The following MPP7 variants were observed in gnomAD, a reference collection of about 807,000 sequenced individuals.
MPP7 encodes the protein MAGUK p55 subfamily member 7.
A neutral mutation model predicts 76.5 loss-of-function variants in MPP7; 60 were observed. The observed-to-expected ratio is 0.78, with a 90% confidence interval of 0.64 to 0.97. The LOEUF (loss-of-function observed/expected upper bound fraction) is 0.97. Among genes scored for constraint, MPP7 ranks in the 50% least tolerant of loss-of-function variants. The pLI is 0.00. For missense variants in MPP7, 641 were observed against 694.0 expected, an observed-to-expected ratio of 0.92 and a Z score of 0.86; for synonymous variants, 237 against 244.5, an observed-to-expected ratio of 0.97 and a Z score of 0.29.
Position 28,052,006 on chromosome 10 carries a change from A to T in MPP7, c.*2059T>A, listed in dbSNP as rs1027303706. On this transcript the variant is annotated 3_prime_UTR_variant, in exon 17 of 17. Coordinates refer to ENST00000683449, the MANE Select transcript of MPP7 (RefSeq NM_001318170.2). Reference sequence around the variant, plus strand: ...CTTAAGGTCTGGACCTTTCTTTTTTAAAATGTTATATTTTTATAACATCTT... The same window carrying T: ...CTTAAGGTCTGGACCTTTCTTTTTTTAAATGTTATATTTTTATAACATCTT... The T allele has an allele frequency of 3.3e-5, 5 of 152,124 alleles. No individual in the cohort carries two copies. The highest frequency in any genetic ancestry group is 5.9e-5 in the Non-Finnish European group (4 of 68,010). The allele number at this position is 152,124 out of a possible 1,614,324, so 9.4% of individuals were successfully genotyped here.
chr10:28,245,863 G>A (rs1357533186), intron 1 of MPP7, among the ~76,000 whole-genome samples: 1 of 150,440 alleles, frequency 6.6e-6, no homozygotes, highest in Non-Finnish European at 1.5e-5. Flanking sequence ...ATTCACAAGA[G>A]GGGCTCAACA....
Position 28,108,562 on chromosome 10 carries a change from T to A in MPP7, c.952+11089A>T, listed in dbSNP as rs141272842. On this transcript the variant is annotated intron_variant, in intron 11 of 16. Coordinates refer to ENST00000683449, the MANE Select transcript of MPP7 (RefSeq NM_001318170.2). ...GTCCAAGCTACTTGCGAGGCTGAGGTGGGAGGATGGTTTGAGCCTGGGAGG... is the reference window on the plus strand; with the variant it reads ...GTCCAAGCTACTTGCGAGGCTGAGGAGGGAGGATGGTTTGAGCCTGGGAGG... Among the ~76,000 whole-genome samples, 1,303 of 151,588 alleles carry A rather than the reference T, an allele frequency of 8.6e-3. 14 individuals carry two copies. The highest frequency in any genetic ancestry group is 0.055 in the Middle Eastern group (16 of 292).
chr10:28,232,932 T>C (rs1451932320), intron 2 of MPP7, among the ~76,000 whole-genome samples: 1 of 152,226 alleles, frequency 6.6e-6, no homozygotes, highest in Non-Finnish European at 1.5e-5. Context: ...TGTGCATTTC[T>C]GTACCTATAT....
intron 1 of MPP7, among the ~76,000 whole-genome samples, chr10:28,250,569 C>G (rs1057486378): frequency 6.6e-6 from 1 of 152,168 alleles, no homozygotes; most frequent in Non-Finnish European, 1.5e-5. Context: ...AAGATCCTTA[C>G]GTGATCACTT....
At chr10:28,208,786 C>T (rs1321255241) in intron 2 of MPP7, among the ~76,000 whole-genome samples, 1 of 152,124 alleles carries the variant, frequency 6.6e-6, no homozygotes, top group Non-Finnish European at 1.5e-5. Context: ...AAAATGATAA[C>T]TGGCTCAATC....
chr10:28,239,355 C>G (rs947047323), intron 1 of MPP7, among the ~76,000 whole-genome samples: 5 of 151,792 alleles, frequency 3.3e-5, no homozygotes, highest in Non-Finnish European at 7.4e-5. Context: ...CCATGTTGGC[C>G]AGGCTGGTCT....
intron 2 of MPP7, among the ~76,000 whole-genome samples, chr10:28,224,848 T>A (rs1268952880): frequency 6.6e-6 from 1 of 152,166 alleles, no homozygotes; most frequent in Non-Finnish European, 1.5e-5. Context: ...AAGAATTAGA[T>A]TTTGTTTATC....
intron 6 of MPP7, among the ~76,000 whole-genome samples, chr10:28,128,702 C>CA (rs1404978959): frequency 1.3e-5 from 2 of 152,052 alleles, no homozygotes; most frequent in East Asian, 3.9e-4. Context: ...GATTTGGGGA[C>CA]AAAGATCAGC....
intron 2 of MPP7, among the ~76,000 whole-genome samples, chr10:28,213,217 G>C (rs1838200076): frequency 6.6e-6 from 1 of 152,086 alleles, no homozygotes; most frequent in African/African-American, 2.4e-5. Context: ...TGGTTCAACA[G>C]AGAATTGATC....
chr10:28,262,244 CATAT>C (rs1209809486), intron 1 of MPP7, among the ~76,000 whole-genome samples: 2 of 36,398 alleles, frequency 5.5e-5, no homozygotes, highest in Non-Finnish European at 8.2e-5. Context: ...TATATATATA[CATAT>C]ATATATATAT....
chr10:28,293,300 T>C (rs1840965384), intron 1 of MPP7, among the ~76,000 whole-genome samples: 1 of 152,164 alleles, frequency 6.6e-6, no homozygotes. Context: ...CAGTATACGA[T>C]AGGATATTCC....
chr10:28,237,275 T>C (rs981554606), intron 2 of MPP7, among the ~76,000 whole-genome samples: 6 of 152,168 alleles, frequency 3.9e-5, no homozygotes, highest in Admixed American at 2.6e-4. Context: ...CAAAGCACTA[T>C]GGAAAGTTAA....
intron 3 of MPP7, among the ~76,000 whole-genome samples, chr10:28,198,888 T>C (rs577375196): frequency 6.6e-6 from 1 of 152,170 alleles, no homozygotes; most frequent in Non-Finnish European, 1.5e-5. Flanking sequence ...AATTCTGATA[T>C]CCTTCTATTT....
chr10:28,111,022 G>A (rs185853085), intron 11 of MPP7, among the ~76,000 whole-genome samples: 4 of 152,238 alleles, frequency 2.6e-5, no homozygotes, highest in African/African-American at 9.6e-5. Context: ...ACATTTGTAA[G>A]TTGATTGTTA....
At chr10:28,318,264 A>T (rs1186365588) in intron 2 of MPP7, among the ~76,000 whole-genome samples, 1 of 152,224 alleles carries the variant, frequency 6.6e-6, no homozygotes, top group Non-Finnish European at 1.5e-5. Context: ...GGATGTTATG[A>T]TCATTAAATG....
Position 28,062,717 on chromosome 10 carries a change from C to T in MPP7, c.1205-2974G>A, listed in dbSNP as rs182713033. Among the ~76,000 whole-genome samples, 352 of 152,200 alleles carry T rather than the reference C, an allele frequency of 2.3e-3. 1 individual carries two copies. Among genetic ancestry groups the T allele is most frequent in the Non-Finnish European group, 4.0e-3 (271 of 68,014 alleles). On this transcript the variant is annotated intron_variant, in intron 13 of 16. Coordinates refer to ENST00000683449, the MANE Select transcript of MPP7 (RefSeq NM_001318170.2). ...TCGACACCATTCACAACAGTCTCAG[C>T]AAACTAGGAGTAACAAGAATGTCCT...
chr10:28,332,955 G>A (rs1464105486), intron 1 of MPP7, among the ~76,000 whole-genome samples: 2 of 152,176 alleles, frequency 1.3e-5, no homozygotes, highest in South Asian at 2.1e-4. Flanking sequence ...GAGCCACCGT[G>A]CCTGGCCCTA....
chr10:28,161,394 T>C (rs1836258905), intron 3 of MPP7, among the ~76,000 whole-genome samples: 1 of 143,604 alleles, frequency 7.0e-6, no homozygotes, highest in African/African-American at 2.5e-5. Flanking sequence ...CATTCCCTTC[T>C]TATTCCTGGC....
rs371521308 is a variant in MPP7 at position 28,120,180 on chromosome 10, T to C, written c.887+14A>G. On this transcript the variant is annotated intron_variant, in intron 10 of 16. Coordinates refer to ENST00000683449, the MANE Select transcript of MPP7 (RefSeq NM_001318170.2). ...CAGCTGGAGAAAAGCCATTATTATG[T>C]ACCAGCAGCTCACCTTTCCTGGAAA... The C allele has an allele frequency of 4.2e-5, 68 of 1,611,208 alleles. No homozygotes were observed. The African/African-American group carries it at 6.8e-4, about 16-fold the overall frequency.
Sources: gnomAD v4.1 joint callset for allele counts (sites outside exome capture counted in the v4.1 genomes callset) on GRCh38, gnomAD v4.1.1 for gene constraint, MANE v1.5 for transcripts, NCBI Gene and HGNC (gene_info 2026-07-23, HGNC 2026-07-21) for gene names.